Variants in ZMYM5 observed in about 807,000 individuals in gnomAD.
The protein encoded by ZMYM5 is zinc finger MYM-type containing 5, also known as zinc finger MYM-type protein 5.
A neutral mutation model predicts 61.8 loss-of-function variants in ZMYM5; 41 were observed. That is an observed-to-expected ratio of 0.66 (90% confidence interval 0.52 to 0.86). The LOEUF is 0.86. ZMYM5 is among the 40% of genes least tolerant of loss of function. The pLI, the probability that ZMYM5 is intolerant of heterozygous loss-of-function variation, is 0.00. For synonymous variants in ZMYM5, 257 were observed against 276.4 expected, an observed-to-expected ratio of 0.93 and a Z score of 0.70; for missense variants, 706 against 786.7, an observed-to-expected ratio of 0.90 and a Z score of 1.23.
At chr13:19,844,875 G>A (rs1448189911) in intron 4 of ZMYM5, among the ~76,000 whole-genome samples, 4 of 152,098 alleles carry the variant, frequency 2.6e-5, no homozygotes, top group African/African-American at 7.2e-5. Flanking sequence ...CACCCGCTTC[G>A]GCCTCCCAAA....
chr13:19,849,054 G>T (rs1953186639), intron 4 of ZMYM5, among the ~76,000 whole-genome samples: 1 of 152,052 alleles, frequency 6.6e-6, no homozygotes, highest in South Asian at 2.1e-4. Context: ...CAATGAAAAA[G>T]CATGTAAATG....
At chr13:19,832,062 T>C (rs1456352116) in intron 7 of ZMYM5, among the ~76,000 whole-genome samples, 1 of 151,844 alleles carries the variant, frequency 6.6e-6, no homozygotes, top group Non-Finnish European at 1.5e-5. Context: ...TTCACCATGT[T>C]GGCCAGGCTG....
chr13:19,843,962 T>C lies in ZMYM5; in HGVS notation c.587-4977A>G, dbSNP rs9508912. ...TCCTGGCTATAACATGGTGAAACCC[T>C]GTCTCTTCCAAAAAATACTTAAAAA... On this transcript the variant is annotated intron_variant, in intron 4 of 7. Transcript: ENST00000337963. 1.6e-3 allele frequency among the ~76,000 whole-genome samples: 237 copies of C among 151,760 alleles called. 1 individual carries two copies. The highest frequency in any genetic ancestry group is 3.0e-3 in the Non-Finnish European group (206 of 67,916).
At chr13:19,848,054 T>A (rs1403260498) in intron 4 of ZMYM5, among the ~76,000 whole-genome samples, 2 of 151,088 alleles carry the variant, frequency 1.3e-5, no homozygotes, top group African/African-American at 4.9e-5. Flanking sequence ...CACTGCAACC[T>A]CAGCATCCTG....
rs191729984 is a variant in ZMYM5, at chr13:19,854,561, G to A, written c.-10-2371C>T. On this transcript the variant is annotated intron_variant, in intron 2 of 7. Transcript: ENST00000337963. ...AATCGCTTGAACCCGGGAGGCAGAG[G>A]AGGTTACAGTGAGCTGAGATTGTGC... Among the ~76,000 whole-genome samples, 346 of 148,330 alleles carry A rather than the reference G, an allele frequency of 2.3e-3. 3 individuals carry two copies. Among genetic ancestry groups the A allele is most frequent in the African/African-American group, 7.7e-3 (313 of 40,552 alleles).
In ZMYM5 at chr13:19,849,859, C is replaced by T. The variant is rs577569143; in HGVS notation, c.586+1496G>A. On this transcript the variant is annotated intron_variant, in intron 4 of 7. Transcript: ENST00000337963. ...AGCTAGGCGTGATGGCACACGCCTG[C>T]AATCCCAGCTACTCGGAAGGCTGAG... 2.6e-5 allele frequency among the ~76,000 whole-genome samples: 4 copies of T among 151,832 alleles called. No homozygotes were observed. The East Asian group carries it at 7.8e-4, about 30-fold the overall frequency.
At position 19,836,269 on chromosome 13, in the gene ZMYM5, C is replaced by CT. The variant is rs112921694; in HGVS notation, c.1039-581dup. On this transcript the variant is annotated intron_variant, in intron 6 of 7. Coordinates refer to ENST00000337963, the MANE Select transcript of ZMYM5 (RefSeq NM_001142684.2). ...ACATTTAATAACAACAGATAATGAA[C>CT]TTTTTTTTTTTTTTTGAGACAAGTT... Among the ~76,000 whole-genome samples, 579 of 144,518 alleles carry CT rather than the reference C, an allele frequency of 4.0e-3. 1 individual carries two copies. The highest frequency in any genetic ancestry group is 8.9e-3 in the African/African-American group (351 of 39,558). 94.8% of individuals were successfully genotyped at this position (144,518 alleles called of 152,430 possible).
rs1257880206 is a variant in ZMYM5 at position 19,863,427 on chromosome 13, C to A, written c.-79+23G>T. On this transcript the variant is annotated intron_variant, in intron 1 of 7. Coordinates refer to ENST00000337963, the MANE Select transcript of ZMYM5 (RefSeq NM_001142684.2). The stretch of plus-strand genomic sequence containing the variant: ...TGGGAGCCTCCGGAGGCTGCTCTCA[C>A]CCATCTCCGCCTCCCCACTCACCTC... The A allele has an allele frequency of 3.9e-5, 6 of 152,472 alleles. No homozygotes were observed. The East Asian group carries it at 1.2e-3, about 30-fold the overall frequency. 9.4% of individuals were successfully genotyped at this position (152,472 alleles called of 1,614,324 possible). A position where few individuals can be genotyped will look rare whatever the true frequency, so the allele number is the denominator to read the frequency against.
intron 2 of ZMYM5, among the ~76,000 whole-genome samples, chr13:19,861,452 A>G (rs1953757717): frequency 6.6e-6 from 1 of 152,152 alleles, no homozygotes; most frequent in Non-Finnish European, 1.5e-5. Context: ...GTGCCCAGCC[A>G]CTTTACCTAC....
intron 7 of ZMYM5, among the ~76,000 whole-genome samples, chr13:19,831,539 G>A (rs886326468): frequency 3.9e-5 from 6 of 151,904 alleles, no homozygotes; most frequent in African/African-American, 1.5e-4. Context: ...GCTCACACCT[G>A]TATTCCCAAC....
At chr13:19,846,883 T>TG (rs1349341091) in intron 4 of ZMYM5, among the ~76,000 whole-genome samples, 3 of 152,002 alleles carry the variant, frequency 2.0e-5, no homozygotes, top group African/African-American at 7.2e-5. Flanking sequence ...GCTATGATCA[T>TG]GGCACTGCAC....
In ZMYM5 at chr13:19,838,807, C is replaced by A. The variant is rs1952760164; in HGVS notation, c.765G>T (p.Gln255His). The A allele has an allele frequency of 3.7e-6, 6 of 1,614,042 alleles. No individual in the cohort carries two copies. In the African/African-American group the frequency reaches 4.0e-5, roughly 11 times the overall value. The change falls in exon 5 of 8, where the codon CAG becomes CAT. Residue 255 changes from glutamine to histidine, a missense_variant. Transcript: ENST00000337963. ...CTGATCCTTTTCGTTGATAAGCTGT[C>A]TGTCCCTTCTGTAAAGGCTTTTTGC... The part of the protein sequence containing the change: ...ANCKKPLQKG[Q>H]TAYQRKGSAH...
At chr13:19,826,901 T>G (rs772215875) in intron 7 of ZMYM5, among the ~76,000 whole-genome samples, 32 of 152,106 alleles carry the variant, frequency 2.1e-4, no homozygotes, top group Non-Finnish European at 3.7e-4. Flanking sequence ...GTATTATCCA[T>G]GCAATGGATA....
intron 4 of ZMYM5, among the ~76,000 whole-genome samples, chr13:19,846,584 T>C (rs910553730): frequency 1.3e-5 from 2 of 152,078 alleles, no homozygotes; most frequent in African/African-American, 4.8e-5. Context: ...GAAGCCTGTA[T>C]CCACCACCAT....
chr13:19,843,901 G>A (rs1952982105), intron 4 of ZMYM5, among the ~76,000 whole-genome samples: 1 of 151,536 alleles, frequency 6.6e-6, no homozygotes, highest in African/African-American at 2.4e-5. Context: ...TTGGGAGGCT[G>A]AGGCAGGTGG....
At chr13:19,827,975 C>T (rs1362441212) in intron 7 of ZMYM5, among the ~76,000 whole-genome samples, 22 of 131,964 alleles carry the variant, frequency 1.7e-4, no homozygotes, top group African/African-American at 4.0e-4. Context: ...GCCGAGATTG[C>T]GCCACTGCAC....
At chr13:19,859,198 A>T (rs1953630045) in intron 2 of ZMYM5, among the ~76,000 whole-genome samples, 1 of 152,060 alleles carries the variant, frequency 6.6e-6, no homozygotes, top group South Asian at 2.1e-4. Flanking sequence ...TCTATTTTCC[A>T]GGCAGCAAAC....
At chr13:19,857,173 C>T (rs1038008266) in intron 2 of ZMYM5, among the ~76,000 whole-genome samples, 1 of 152,218 alleles carries the variant, frequency 6.6e-6, no homozygotes, top group Non-Finnish European at 1.5e-5. Flanking sequence ...TAGGCAAATA[C>T]TATGCTACAT....
chr13:19,835,805 G>A (rs1234578000), intron 6 of ZMYM5, 116 bp from the exon 7 acceptor site: 6 of 706,458 alleles, frequency 8.5e-6, no homozygotes, highest in Non-Finnish European at 1.2e-5. Context: ...TATCTCAGAG[G>A]AAGATATACC....
Sources: gnomAD v4.1 joint callset for allele counts (sites outside exome capture counted in the v4.1 genomes callset) on GRCh38, gnomAD v4.1.1 for gene constraint, MANE v1.5 for transcripts, NCBI Gene and HGNC (gene_info 2026-07-23, HGNC 2026-07-21) for gene names.